Variants in LINGO2 observed in about 807,000 individuals in gnomAD.
LINGO2 encodes the protein leucine-rich repeat and immunoglobulin-like domain-containing nogo receptor-interacting protein 2.
A neutral mutation model predicts 30.6 loss-of-function variants in LINGO2; 14 were observed. That is an observed-to-expected ratio of 0.46 (90% CI 0.30 to 0.72). The LOEUF (loss-of-function observed/expected upper bound fraction) is 0.72, where lower values mean the gene tolerates loss of function less well. LINGO2 is among the 30% of genes least tolerant of loss of function. LINGO2 has a pLI of 0.07. For missense variants in LINGO2, 729 were observed against 751.7 expected (o/e 0.97, Z 0.35); for synonymous variants, 317 against 288.5 (o/e 1.10, Z -1.00).
intron 1 of LINGO2, among the ~76,000 whole-genome samples, chr9:28,577,119 T>G (rs1824028573): frequency 1.3e-5 from 2 of 152,180 alleles, no homozygotes; most frequent in Admixed American, 1.3e-4. Flanking sequence ...TTAAATTGCC[T>G]TTATAAAATA....
At chr9:28,125,421 T>TA (rs35945203) in intron 4 of LINGO2, among the ~76,000 whole-genome samples, 4,132 of 152,336 alleles carry the variant, frequency 0.027, 95 homozygotes, top group Middle Eastern at 0.048. Context: ...GCAGCATACA[T>TA]AAAAACTTCT....
At chr9:29,097,002 A>G in the LINGO2 span, among the ~76,000 whole-genome samples, 3 of 139,862 alleles carry the variant, frequency 2.1e-5, 1 homozygote, top group African/African-American at 8.0e-5. Flanking sequence ...TGAAATTTTT[A>G]TAAGTTTGTG....
chr9:28,903,678 A>G, the LINGO2 span, among the ~76,000 whole-genome samples: 2 of 152,018 alleles, frequency 1.3e-5, no homozygotes, highest in African/African-American at 4.8e-5. Flanking sequence ...GGGTCTTGCT[A>G]TATTGCCTAG....
intron 1 of LINGO2, among the ~76,000 whole-genome samples, chr9:28,547,985 G>T (rs1168774683): frequency 2.0e-5 from 3 of 152,022 alleles, no homozygotes; most frequent in Admixed American, 1.3e-4. Flanking sequence ...GCTACCTTAT[G>T]CCCAAAAGAA....
chr9:29,106,868 C>G, the LINGO2 span, among the ~76,000 whole-genome samples: 65,422 of 151,906 alleles, frequency 0.43, 14,258 homozygotes, highest in East Asian at 0.53. Context: ...GATGGATACA[C>G]ACACAAATTC....
chr9:28,394,773 C>T (rs908876934), intron 2 of LINGO2, among the ~76,000 whole-genome samples: 1 of 152,130 alleles, frequency 6.6e-6, no homozygotes, highest in Non-Finnish European at 1.5e-5. Flanking sequence ...GAAAGAAAAT[C>T]CTCTGTGAAG....
chr9:28,189,118 A>C (rs1819651113), intron 4 of LINGO2, among the ~76,000 whole-genome samples: 1 of 152,028 alleles, frequency 6.6e-6, no homozygotes, highest in African/African-American at 2.4e-5. Context: ...CAAATTCAGA[A>C]CAAAGTTCCT....
the LINGO2 span, among the ~76,000 whole-genome samples, chr9:28,907,118 A>G: frequency 1.3e-5 from 2 of 151,914 alleles, no homozygotes; most frequent in African/African-American, 2.4e-5. Flanking sequence ...GATTTTATGG[A>G]GCTCTTGATT....
At chr9:28,323,095 A>C (rs1825106448) in intron 3 of LINGO2, among the ~76,000 whole-genome samples, 1 of 152,154 alleles carries the variant, frequency 6.6e-6, no homozygotes, top group Non-Finnish European at 1.5e-5. Context: ...TGGTGTATAA[A>C]AATAGTCCCA....
chr9:28,582,604 C>T (rs1824313033), intron 1 of LINGO2, among the ~76,000 whole-genome samples: 1 of 152,038 alleles, frequency 6.6e-6, no homozygotes, highest in Non-Finnish European at 1.5e-5. Flanking sequence ...AATCCAGTGA[C>T]CACTCTAACA....
chr9:27,972,552 T>C (rs567845617), intron 5 of LINGO2, among the ~76,000 whole-genome samples: 1 of 152,306 alleles, frequency 6.6e-6, no homozygotes, highest in African/African-American at 2.4e-5. Context: ...TTGACAGTGA[T>C]GGACACCCTG....
At chr9:29,065,974 A>C in the LINGO2 span, among the ~76,000 whole-genome samples, 2 of 151,990 alleles carry the variant, frequency 1.3e-5, no homozygotes, top group Non-Finnish European at 2.9e-5. Flanking sequence ...CAAAATATTT[A>C]AGCAAAGTTA....
At chr9:29,111,937 A>ACATATATTTATATATGTTTGTATATATT in the LINGO2 span, among the ~76,000 whole-genome samples, 1 of 149,258 alleles carries the variant, frequency 6.7e-6, no homozygotes, top group Non-Finnish European at 1.5e-5. Context: ...GTGTATATAT[A>ACATATATTTATATATGTTTGTATATATT]ATGTATTTAA....
intron 5 of LINGO2, among the ~76,000 whole-genome samples, chr9:27,960,687 TGTA>T (rs1819800160): frequency 6.6e-6 from 1 of 151,544 alleles, no homozygotes; most frequent in East Asian, 1.9e-4. Flanking sequence ...TTTGACAGCA[TGTA>T]GTTATTTCTT....
chr9:28,374,728 G>C (rs1352514591), intron 2 of LINGO2, among the ~76,000 whole-genome samples: 1 of 152,010 alleles, frequency 6.6e-6, no homozygotes, highest in African/African-American at 2.4e-5. Flanking sequence ...TTATAAGCAG[G>C]TTTCAATATT....
At chr9:29,075,868 T>C in the LINGO2 span, among the ~76,000 whole-genome samples, 11 of 152,148 alleles carry the variant, frequency 7.2e-5, no homozygotes, top group African/African-American at 2.7e-4. Context: ...CCATGCTACA[T>C]GAATGCTAAG....
chr9:28,760,827 G>GTTAATTCT, the LINGO2 span, among the ~76,000 whole-genome samples: 1 of 151,600 alleles, frequency 6.6e-6, no homozygotes, highest in Admixed American at 6.6e-5. Flanking sequence ...TGCAAATGCT[G>GTTAATTCT]TTAATTCTTT....
At chr9:28,658,718 A>T (rs1005069668) in intron 1 of LINGO2, among the ~76,000 whole-genome samples, 1 of 152,062 alleles carries the variant, frequency 6.6e-6, no homozygotes, top group African/African-American at 2.4e-5. Context: ...GAGGTTGTCC[A>T]CAAGTGTTTG....
intron 4 of LINGO2, among the ~76,000 whole-genome samples, chr9:28,077,442 T>C (rs1825657498): frequency 6.6e-6 from 1 of 152,210 alleles, no homozygotes; most frequent in Non-Finnish European, 1.5e-5. Context: ...TCCACATGTA[T>C]ACACTTTATA....
Sources: allele counts gnomAD v4.1 joint callset (sites outside exome capture counted in the v4.1 genomes callset), GRCh38; gene constraint gnomAD v4.1.1; transcripts MANE v1.5; gene names NCBI Gene and HGNC (gene_info 2026-07-23, HGNC 2026-07-21).